Variants in PRKAR2B observed in about 807,000 individuals in gnomAD.
PRKAR2B encodes protein kinase cAMP-dependent type II regulatory subunit beta, also known as cAMP-dependent protein kinase type II-beta regulatory subunit.
PRKAR2B carries 14 observed loss-of-function variants against 49.9 expected under a neutral mutation model. The observed-to-expected ratio is 0.28, with a 90% CI of 0.19 to 0.44. PRKAR2B has a LOEUF of 0.44. Among genes scored for constraint, PRKAR2B ranks in the 20% least tolerant of loss-of-function variants. The probability of loss-of-function intolerance (pLI) is 1.00; values close to 1 mark genes in which losing one functional copy is unlikely to be tolerated. For missense variants in PRKAR2B, 393 were observed against 537.9 expected, an observed-to-expected ratio of 0.73 and a Z score of 2.67; for synonymous variants, 196 against 197.7, an observed-to-expected ratio of 0.99 and a Z score of 0.07.
intron 2 of PRKAR2B, among the ~76,000 whole-genome samples, chr7:107,084,713 C>T (rs564840279): frequency 5.4e-4 from 82 of 151,700 alleles, no homozygotes; most frequent in Non-Finnish European, 1.0e-3. Context: ...CTCCGCCTCC[C>T]GGGTTCACGC....
chr7:107,153,647 A>T lies in PRKAR2B; in HGVS notation c.918+396A>T, dbSNP rs192908997. The stretch of plus-strand genomic sequence containing the variant: ...TGCTCCTTGATAAAATTCACCAAGA[A>T]AGGAACACACTGCAACATATACTGT... On this transcript the variant is annotated intron_variant, in intron 8 of 10. Coordinates refer to ENST00000265717, the MANE Select transcript of PRKAR2B (RefSeq NM_002736.3). Among the ~76,000 whole-genome samples, 161 of 152,300 alleles carry T rather than the reference A, an allele frequency of 1.1e-3. 1 individual carries two copies. Among genetic ancestry groups the T allele is most frequent in the African/African-American group, 3.6e-3 (151 of 41,566 alleles).
At chr7:107,049,033 A>G (rs1159674433) in intron 1 of PRKAR2B, among the ~76,000 whole-genome samples, 1 of 152,146 alleles carries the variant, frequency 6.6e-6, no homozygotes, top group Admixed American at 6.5e-5. Flanking sequence ...TAGCATCCCT[A>G]GGCCTTGAAT....
At chr7:107,159,304 C>A in intron 10 of PRKAR2B, 145 bp from the exon 11 acceptor site, 1 of 893,652 alleles carries the variant, frequency 1.1e-6, no homozygotes, top group Non-Finnish European at 1.6e-6. Flanking sequence ...ACATTTTTAT[C>A]ATTATGCTTT....
intron 1 of PRKAR2B, among the ~76,000 whole-genome samples, chr7:107,062,758 T>C (rs2116761700): frequency 6.6e-6 from 1 of 152,328 alleles, no homozygotes. Context: ...TTCCACATTT[T>C]ATTGAGAAAT....
In PRKAR2B at chr7:107,099,639, C is replaced by CTT. The variant is rs71134250; in HGVS notation, c.344-22297_344-22296dup. ...TATTCGGCCATCTTGCATGAGAAAT[C>CTT]TTTTTTTTTTTTTTTTTGAGACGGA... On this transcript the variant is annotated intron_variant, in intron 2 of 10. Transcript: ENST00000265717. 8.2e-5 allele frequency among the ~76,000 whole-genome samples: 11 copies of CTT among 134,300 alleles called. 1 individual carries two copies. The East Asian group carries it at 1.1e-3, about 13-fold the overall frequency. 88.1% of individuals were successfully genotyped at this position (134,300 alleles called of 152,430 possible).
intron 4 of PRKAR2B, among the ~76,000 whole-genome samples, chr7:107,138,623 C>T (rs566391884): frequency 3.1e-4 from 47 of 151,966 alleles, no homozygotes; most frequent in African/African-American, 1.1e-3. Flanking sequence ...TCATGGCTCA[C>T]TGCAGCCTCA....
chr7:107,061,519 G>A (rs142058934), intron 1 of PRKAR2B, among the ~76,000 whole-genome samples: 10 of 152,200 alleles, frequency 6.6e-5, no homozygotes, highest in African/African-American at 2.4e-4. Context: ...TTAATTTGCT[G>A]TTGCTGAGAA....
chr7:107,052,188 G>A (rs1339575738), intron 1 of PRKAR2B, among the ~76,000 whole-genome samples: 4 of 152,294 alleles, frequency 2.6e-5, no homozygotes, highest in African/African-American at 9.6e-5. Flanking sequence ...GGAGGCCGAT[G>A]CGGGCGGATC....
intron 2 of PRKAR2B, among the ~76,000 whole-genome samples, chr7:107,074,424 T>A (rs1046396492): frequency 1.3e-5 from 2 of 152,174 alleles, no homozygotes; most frequent in African/African-American, 4.8e-5. Flanking sequence ...TTTTACAATA[T>A]GGGCTTTTTG....
intron 6 of PRKAR2B, 70 bp from the exon 7 acceptor site, chr7:107,150,852 G>T: frequency 1.4e-6 from 1 of 720,910 alleles, no homozygotes. Flanking sequence ...GTTTCTTGTA[G>T]GGAATAAAAT....
chr7:107,102,778 C>A (rs369020376), intron 2 of PRKAR2B, among the ~76,000 whole-genome samples: 16 of 152,282 alleles, frequency 1.1e-4, no homozygotes, highest in East Asian at 3.9e-4. Context: ...TCAGGTGATT[C>A]TCTGGCCTCA....
chr7:107,065,009 G>A (rs1794105280), intron 1 of PRKAR2B, among the ~76,000 whole-genome samples: 1 of 152,098 alleles, frequency 6.6e-6, no homozygotes, highest in African/African-American at 2.4e-5. Flanking sequence ...TGAAGCACAG[G>A]CATAAGAGAA....
chr7:107,060,708 C>T (rs939426916), intron 1 of PRKAR2B, among the ~76,000 whole-genome samples: 8 of 150,658 alleles, frequency 5.3e-5, no homozygotes, highest in Non-Finnish European at 1.0e-4. Flanking sequence ...AAAAATCTCC[C>T]AATCTTAGGT....
chr7:107,102,813 G>A (rs999420366), intron 2 of PRKAR2B, among the ~76,000 whole-genome samples: 1 of 152,086 alleles, frequency 6.6e-6, no homozygotes, highest in Non-Finnish European at 1.5e-5. Flanking sequence ...TGGGATTACA[G>A]GCGCCCGCCA....
intron 2 of PRKAR2B, among the ~76,000 whole-genome samples, chr7:107,115,054 A>G (rs1795246077): frequency 6.6e-6 from 1 of 152,168 alleles, no homozygotes; most frequent in Non-Finnish European, 1.5e-5. Flanking sequence ...AGTAATAGGA[A>G]AAAAATTTTA....
At chr7:107,133,205 A>G (rs1417381563) in intron 4 of PRKAR2B, among the ~76,000 whole-genome samples, 1 of 152,198 alleles carries the variant, frequency 6.6e-6, no homozygotes, top group Non-Finnish European at 1.5e-5. Context: ...AATTATGGGG[A>G]AATTACATTT....
At chr7:107,066,301 G>GGTGT (rs3074837) in intron 1 of PRKAR2B, among the ~76,000 whole-genome samples, 17,016 of 145,462 alleles carry the variant, frequency 0.12, 1,026 homozygotes, top group African/African-American at 0.15. Flanking sequence ...CTCTATGTGG[G>GGTGT]GTGTGTGTGT....
At chr7:107,122,436 T>G (rs930528267) in intron 3 of PRKAR2B, among the ~76,000 whole-genome samples, 1 of 152,060 alleles carries the variant, frequency 6.6e-6, no homozygotes, top group Admixed American at 6.6e-5. Flanking sequence ...AATCTGTGAG[T>G]CTTCATAGTT....
At chr7:107,056,408 G>C (rs1025274842) in intron 1 of PRKAR2B, among the ~76,000 whole-genome samples, 1 of 152,176 alleles carries the variant, frequency 6.6e-6, no homozygotes, top group African/African-American at 2.4e-5. Flanking sequence ...ACCTTGGGCA[G>C]TATGGCCATT....
Sources: gnomAD v4.1 joint callset for allele counts (sites outside exome capture counted in the v4.1 genomes callset) on GRCh38, gnomAD v4.1.1 for gene constraint, MANE v1.5 for transcripts, NCBI Gene and HGNC (gene_info 2026-07-23, HGNC 2026-07-21) for gene names.